USP14: variants seen among roughly 807,000 people sequenced by gnomAD.
The protein encoded by USP14 is ubiquitin carboxyl-terminal hydrolase 14.
USP14 carries 38 observed loss-of-function variants against 76.5 expected under a neutral mutation model. The ratio of observed to expected loss-of-function variants is 0.50; its 90% CI spans 0.38 to 0.65. USP14 has a LOEUF of 0.65. Ranked by LOEUF, USP14 falls within the 30% of genes least tolerant of loss-of-function variation. The probability of loss-of-function intolerance (pLI) is 0.00; values close to 1 mark genes in which losing one functional copy is unlikely to be tolerated. For missense variants in USP14, 467 were observed against 586.5 expected, an observed-to-expected ratio of 0.80 and a Z score of 2.10; for synonymous variants, 192 against 191.7, an observed-to-expected ratio of 1.00 and a Z score of -0.01.
At chr18:196,868 TTC>T in intron 7 of USP14, 101 bp downstream of exon 7, 1 of 1,420,184 alleles carries the variant, frequency 7.0e-7, no homozygotes, top group Non-Finnish European at 9.7e-7. Context: ...AACATCAGTC[TTC>T]TCTAGTTCAT....
intron 3 of USP14, among the ~76,000 whole-genome samples, chr18:177,257 C>T (rs1232673522): frequency 2.0e-5 from 3 of 151,526 alleles, no homozygotes; most frequent in Non-Finnish European, 4.4e-5. Flanking sequence ...AGACAGTTGT[C>T]TTTGGAAAAA....
intron 1 of USP14, among the ~76,000 whole-genome samples, chr18:159,389 G>A (rs963183902): frequency 1.3e-5 from 2 of 152,186 alleles, no homozygotes; most frequent in South Asian, 2.1e-4. Context: ...ACAGGGGCTT[G>A]TATTGTTTGC....
rs1910665194 is a variant in USP14, at chr18:211,380, T to G, written c.*96T>G. 178 of 1,347,100 alleles carry G rather than the reference T, an allele frequency of 1.3e-4. No homozygotes were observed. Among genetic ancestry groups the G allele is most frequent in the Non-Finnish European group, 1.7e-4 (168 of 996,004 alleles). 83.4% of individuals were successfully genotyped at this position (1,347,100 alleles called of 1,614,324 possible). A position where few individuals can be genotyped will look rare whatever the true frequency, so the allele number is the denominator to read the frequency against. ...CTTTAGAGGAAGACACATAGGTGGG[T>G]TTATGTTTCACCTCATTTGGAACAA... On this transcript the variant is annotated 3_prime_UTR_variant, in exon 16 of 16. Coordinates refer to ENST00000261601, the MANE Select transcript of USP14 (RefSeq NM_005151.4).
chr18:201,835 C>T (rs1234123629), intron 10 of USP14, among the ~76,000 whole-genome samples: 1 of 152,154 alleles, frequency 6.6e-6, no homozygotes, highest in Non-Finnish European at 1.5e-5. Context: ...ACCAGATATA[C>T]TTTCTTGAAA....
intron 2 of USP14, among the ~76,000 whole-genome samples, chr18:166,457 C>T (rs539164555): frequency 2.6e-5 from 4 of 152,054 alleles, no homozygotes; most frequent in South Asian, 2.1e-4. Context: ...CTCAGCCTCC[C>T]GAGTAGCTGG....
intron 6 of USP14, 39 bp downstream of exon 6, chr18:192,939 G>T: frequency 6.5e-7 from 1 of 1,545,764 alleles, no homozygotes; most frequent in Non-Finnish European, 8.8e-7. Flanking sequence ...ATAGGAGTAA[G>T]ACATTCTATT....
chr18:204,786 C>T (rs1252606287), intron 13 of USP14, 94 bp downstream of exon 13: 15 of 1,430,378 alleles, frequency 1.0e-5, no homozygotes, highest in African/African-American at 1.5e-5. Context: ...CTTCATTTTT[C>T]CTTCAGAACT....
rs1910636632 is a variant in USP14 at position 210,314 on chromosome 18, T to TCTTGTTACTTAG, written c.1226-67_1226-56dup. ...TTCGTAATGTGAACTTTAGAGTTAT[T>TCTTGTTACTTAG]CTTGTTACTTAGCTTGAGAAGGCAC... On this transcript the variant is annotated intron_variant, in intron 14 of 15. Coordinates refer to ENST00000261601, the MANE Select transcript of USP14 (RefSeq NM_005151.4). The TCTTGTTACTTAG allele has an allele frequency of 2.7e-6, 3 of 1,108,030 alleles. No homozygotes were observed. The African/African-American group carries it at 4.7e-5, about 18-fold the overall frequency. The allele number at this position is 1,108,030 out of a possible 1,614,324, so 68.6% of individuals were successfully genotyped here. A position where few individuals can be genotyped will look rare whatever the true frequency, so the allele number is the denominator to read the frequency against.
intron 1 of USP14, among the ~76,000 whole-genome samples, chr18:161,743 G>T (rs1909124439): frequency 6.6e-6 from 1 of 152,140 alleles, no homozygotes; most frequent in Non-Finnish European, 1.5e-5. Context: ...ATTAACAGTT[G>T]TGAGGTTCTT....
chr18:208,706 T>C (rs148317164), intron 13 of USP14, among the ~76,000 whole-genome samples: 1 of 152,164 alleles, frequency 6.6e-6, no homozygotes, highest in Non-Finnish European at 1.5e-5. Flanking sequence ...TTTGATGCCA[T>C]TGTGGTGACA....
At chr18:158,867 C>G in intron 1 of USP14, 153 bp downstream of exon 1, 7 of 1,174,210 alleles carry the variant, frequency 6.0e-6, no homozygotes, top group Non-Finnish European at 7.5e-6. Context: ...CAGGCACCGT[C>G]CCCTCTCCCG....
intron 9 of USP14, among the ~76,000 whole-genome samples, chr18:198,661 ATATT>A (rs1910306426): frequency 1.3e-5 from 2 of 152,118 alleles, no homozygotes; most frequent in Admixed American, 6.5e-5. Context: ...TTCTTGAAGG[ATATT>A]TATTATTTTT....
intron 1 of USP14, chr18:158,931 G>C: frequency 1.7e-6 from 1 of 603,020 alleles, no homozygotes; most frequent in Non-Finnish European, 2.4e-6. Flanking sequence ...AGCCACCGAT[G>C]GGTGGGGGGA....
intron 5 of USP14, among the ~76,000 whole-genome samples, chr18:186,486 C>G (rs998827083): frequency 6.6e-6 from 1 of 152,084 alleles, no homozygotes; most frequent in African/African-American, 2.4e-5. Flanking sequence ...GGAGCAGTGG[C>G]TCATGCTTGT....
Position 210,025 on chromosome 18 carries a change from G to T in USP14, c.1219G>T (p.Ala407Ser), listed in dbSNP as rs1257195233. ...KEVKYEPFSFADDIGSNNCGY... is the reference protein window; with the variant it reads ...KEVKYEPFSFSDDIGSNNCGY... ...AGTTAAGTATGAACCCTTTTCTTTTGCTGATGGTAAGTAACATTCTCATTT... is the reference window on the plus strand; with the variant it reads ...AGTTAAGTATGAACCCTTTTCTTTTTCTGATGGTAAGTAACATTCTCATTT... The change falls in exon 14 of 16, where the codon GCT becomes TCT. Residue 407 changes from alanine to serine, a missense_variant. Ala to Ser is a moderately conservative substitution (Grantham distance 99). Coordinates refer to ENST00000261601, the MANE Select transcript of USP14 (RefSeq NM_005151.4). The T allele has an allele frequency of 6.2e-7, 1 of 1,602,836 alleles. No individual in the cohort carries two copies. Among genetic ancestry groups the T allele is most frequent in the African/African-American group, 1.3e-5 (1 of 74,266 alleles).
At chr18:160,236 G>A (rs1324522045) in intron 1 of USP14, among the ~76,000 whole-genome samples, 1 of 152,170 alleles carries the variant, frequency 6.6e-6, no homozygotes, top group African/African-American at 2.4e-5. Context: ...CCTGTGAAGC[G>A]GAGGTTGTAG....
intron 10 of USP14, among the ~76,000 whole-genome samples, chr18:202,055 G>A (rs1274827849): frequency 6.6e-6 from 1 of 152,182 alleles, no homozygotes; most frequent in African/African-American, 2.4e-5. Flanking sequence ...TTATACAAGT[G>A]TAACATGCTT....
At chr18:210,245 AACTATG>A in intron 14 of USP14, 135 bp from the exon 15 acceptor site, 5 of 715,742 alleles carry the variant, frequency 7.0e-6, no homozygotes, top group Non-Finnish European at 6.8e-6. Context: ...ATGAAGCCTT[AACTATG>A]ATTGGACAGT....
chr18:158,860 G>C (rs1909031041), intron 1 of USP14, 146 bp downstream of exon 1: 1 of 1,200,334 alleles, frequency 8.3e-7, no homozygotes, highest in Non-Finnish European at 1.0e-6. Flanking sequence ...GATGACCCAG[G>C]CACCGTCCCC....
Sources: gnomAD v4.1 joint callset for allele counts (sites outside exome capture counted in the v4.1 genomes callset) on GRCh38, gnomAD v4.1.1 for gene constraint, MANE v1.5 for transcripts, NCBI Gene and HGNC (gene_info 2026-07-23, HGNC 2026-07-21) for gene names.